RTL1: variants seen among roughly 807,000 people sequenced by gnomAD.
RTL1 encodes retrotransposon Gag like 1, also known as retrotransposon-like protein 1.
For missense variants in RTL1, 1,681 were observed against 1,767.5 expected, an observed-to-expected ratio of 0.95 and a Z score of 0.88; for synonymous variants, 727 against 748.4, an observed-to-expected ratio of 0.97 and a Z score of 0.47.
rs1261234874 is a variant in RTL1, at chr14:100,884,006, G to T, written c.783C>A (p.Ser261Arg). ...AGGCTGGGAAGTCTCCGATCAGGGG[G>T]CTGTTTTCCTGCAGTAGAGCTTTGG... ...EWAKALLQEN[S>R]PLIGDFPAFL... Residue 261 changes from serine (S) to arginine (R), a missense_variant, in exon 4 of 4, where the codon AGC (serine) becomes AGA (arginine). Physicochemically the swap from Ser to Arg is moderately radical, Grantham distance 110. Coordinates refer to ENST00000649591, the MANE Select transcript of RTL1 (RefSeq NM_001134888.3). 1 of 1,551,712 alleles carries T rather than the reference G, an allele frequency of 6.4e-7. No individual in the cohort carries two copies. Among genetic ancestry groups the T allele is most frequent in the Admixed American group, 2.0e-5 (1 of 51,014 alleles).
At chr14:100,895,308 G>T (rs1289564836) in intron 2 of RTL1, among the ~76,000 whole-genome samples, 1 of 152,148 alleles carries the variant, frequency 6.6e-6, no homozygotes, top group African/African-American at 2.4e-5. Context: ...GGATGACTGT[G>T]GGGGTCAGAC....
chr14:100,884,372 A>T lies in RTL1; in HGVS notation c.417T>A (p.Thr139=), dbSNP rs765669280. ...CCTCCCTTCCCGATTCCTTCAGGTC[A>T]GTGTGAGCCTCTTGTTCTTCTCGGG... ...SGAREEQEAH[T]DLKESGREET... Residue 139 remains threonine (T), a synonymous_variant, in exon 4 of 4, where the codon ACT becomes ACA. Transcript: ENST00000649591. 2.0e-5 allele frequency: 31 copies of T among 1,572,272 alleles called. No homozygotes were observed. Among genetic ancestry groups the T allele is most frequent in the Non-Finnish European group, 2.6e-5 (30 of 1,157,168 alleles).
At chr14:100,898,951 T>A (rs1300428891) in intron 2 of RTL1, 1 of 152,300 alleles carries the variant, frequency 6.6e-6, no homozygotes, top group East Asian at 1.9e-4. Flanking sequence ...CTTTGTCCCT[T>A]TCTAGGAGCC....
chr14:100,884,213 G>C lies in RTL1; in HGVS notation c.576C>G (p.Ile192Met). Residue 192 changes from isoleucine (I) to methionine (M), a missense_variant, in exon 4 of 4, where the codon ATC (isoleucine) becomes ATG (methionine). Physicochemically the swap from Ile to Met is conservative, Grantham distance 10 (BLOSUM62 1). Coordinates refer to ENST00000649591, the MANE Select transcript of RTL1 (RefSeq NM_001134888.3). ...EQQRVAEEILIKGINAGQLPA... is the reference protein window; with the variant it reads ...EQQRVAEEILMKGINAGQLPA... ...GCAGTTGGCCTGCATTGATCCCTTT[G>C]ATCAAGATCTCTTCTGCTACTCTCT... 1 of 1,551,766 alleles carries C rather than the reference G, an allele frequency of 6.4e-7. No individual in the cohort carries two copies. Among genetic ancestry groups the C allele is most frequent in the Non-Finnish European group, 8.7e-7 (1 of 1,146,988 alleles).
At position 100,881,722 on chromosome 14, in the gene RTL1, G is replaced by A; in HGVS notation, c.3067C>T (p.Pro1023Ser). ...QTLLLASRGFPRDPSTESGEE... is the reference protein window; with the variant it reads ...QTLLLASRGFSRDPSTESGEE... Reference sequence around the variant, plus strand: ...CCGGATTCCGTCGATGGATCCCTGGGGAATCCCCTTGAGGCCAGCAGCAGG... The same window carrying A: ...CCGGATTCCGTCGATGGATCCCTGGAGAATCCCCTTGAGGCCAGCAGCAGG... The change falls in exon 4 of 4, where the codon CCC (proline) becomes TCC (serine). Residue 1023 changes from proline (P) to serine (S), a missense_variant. By Grantham distance (74) the Pro-to-Ser change is moderately conservative. Transcript: ENST00000649591. The surrounding 1 kb of genome is among the most constrained non-coding windows in gnomAD (Gnocchi z 6.6). The A allele has an allele frequency of 6.3e-7, 1 of 1,598,420 alleles. No individual in the cohort carries two copies. The highest frequency in any genetic ancestry group is 8.5e-7 in the Non-Finnish European group (1 of 1,172,004).
rs367548876 is a variant in RTL1 at position 100,882,025 on chromosome 14, T to G, written c.2764A>C (p.Met922Leu). The change falls in exon 4 of 4, where the codon ATG becomes CTG. Residue 922 changes from methionine (M) to leucine (L), a missense_variant. Met to Leu is a conservative substitution (Grantham distance 15). Transcript: ENST00000649591. ...PIEVEYSQAE[M>L]KILPIRAAFM... ...GCAGCCCGTATTGGAAGAATCTTCA[T>G]CTCCGCTTGAGAGTACTCAACCTCG... The G allele has an allele frequency of 1.2e-6, 2 of 1,613,466 alleles. No individual in the cohort carries two copies. The highest frequency in any genetic ancestry group is 2.7e-5 in the African/African-American group (2 of 74,924).
chr14:100,891,868 T>C (rs1490808566), intron 3 of RTL1, among the ~76,000 whole-genome samples: 1 of 151,944 alleles, frequency 6.6e-6, no homozygotes, highest in Non-Finnish European at 1.5e-5. Context: ...AGGGTTTCGG[T>C]GGTGGTCTTC....
Position 100,883,648 on chromosome 14 carries a change from A to C in RTL1, c.1141T>G (p.Trp381Gly), listed in dbSNP as rs747497626. The C allele has an allele frequency of 1.6e-5, 25 of 1,550,844 alleles. 1 individual carries two copies. In the South Asian group the frequency reaches 2.6e-4, roughly 16 times the overall value. The change falls in exon 4 of 4, where the codon TGG becomes GGG. Residue 381 changes from tryptophan (W) to glycine (G), a missense_variant. Trp to Gly is a radical substitution (Grantham distance 184, BLOSUM62 -2). Transcript: ENST00000649591. This position sits in a 1 kb window ranked among gnomAD's most constrained non-coding sequence, Gnocchi z 5.9. ...PPEARPRNLTWIDSPAPERWM... is the reference protein window; with the variant it reads ...PPEARPRNLTGIDSPAPERWM... ...CTCTCTGGAGCAGGTGAGTCGATCC[A>C]GGTCAGGTTCCGGGGGCGGGCCTCG... is the stretch of plus-strand genomic sequence containing the variant.
chr14:100,884,086 G>A lies in RTL1; in HGVS notation c.703C>T (p.Arg235Cys), dbSNP rs1216914274. The change falls in exon 4 of 4, where the codon CGT becomes TGT. Residue 235 changes from arginine to cysteine, a missense_variant. Transcript: ENST00000649591. ...TTGATGACATAGCCAACTCTCAGACGGTCGTTATAGAACATTCTTGGGTAG... is the reference window on the plus strand; with the variant it reads ...TTGATGACATAGCCAACTCTCAGACAGTCGTTATAGAACATTCTTGGGTAG... ...QSYPRMFYND[R>C]LRVGYVINHL... 8.4e-6 allele frequency: 13 copies of A among 1,551,570 alleles called. No individual in the cohort carries two copies. The highest frequency in any genetic ancestry group is 2.4e-5 in the East Asian group (1 of 40,928).
At chr14:100,898,768 CT>C (rs2038902807) in intron 2 of RTL1, among the ~76,000 whole-genome samples, 1 of 152,250 alleles carries the variant, frequency 6.6e-6, no homozygotes, top group African/African-American at 2.4e-5. Flanking sequence ...TGAAATATCC[CT>C]GTTGGGGAGC....
At chr14:100,888,755 A>G (rs1294251140) in intron 3 of RTL1, among the ~76,000 whole-genome samples, 3 of 152,232 alleles carry the variant, frequency 2.0e-5, no homozygotes, top group African/African-American at 7.2e-5. Flanking sequence ...GCAACAGTCT[A>G]ATCATGTTGG....
Position 100,883,224 on chromosome 14 carries a change from C to A in RTL1, c.1565G>T (p.Arg522Leu). Residue 522 changes from arginine to leucine, a missense_variant, in exon 4 of 4, where the codon CGC (arginine) becomes CTC (leucine). By Grantham distance (102) the Arg-to-Leu change is moderately radical (BLOSUM62 -2). Transcript: ENST00000649591. This position sits in a 1 kb window ranked among gnomAD's most constrained non-coding sequence, Gnocchi z 5.9. ...HAPEVDWIKG[R>L]CTFHSPYCLK... ...GCAGTAGGGAGAGTGGAAGGTGCAG[C>A]GGCCTTTGATCCAGTCGACTTCGGG... The A allele has an allele frequency of 1.3e-6, 2 of 1,553,376 alleles. No individual in the cohort carries two copies. The highest frequency in any genetic ancestry group is 2.4e-5 in the South Asian group (2 of 84,542).
intron 2 of RTL1, among the ~76,000 whole-genome samples, chr14:100,902,150 G>T (rs184455231): frequency 1.5e-3 from 226 of 152,306 alleles, no homozygotes; most frequent in African/African-American, 5.2e-3. Flanking sequence ...CCTGCTCAGG[G>T]CTCGCACGCA....
At chr14:100,891,328 G>T (rs2038774883) in intron 3 of RTL1, among the ~76,000 whole-genome samples, 1 of 152,220 alleles carries the variant, frequency 6.6e-6, no homozygotes, top group Non-Finnish European at 1.5e-5. Flanking sequence ...CGAGGTCCTT[G>T]AATGCCAGGC....
intron 3 of RTL1, among the ~76,000 whole-genome samples, chr14:100,885,349 TGGTTGTGGAGC>T (rs2038683360): frequency 6.6e-6 from 1 of 152,182 alleles, no homozygotes; most frequent in Admixed American, 6.5e-5. Context: ...CCAGCCACCT[TGGTTGTGGAGC>T]GGGAATCTCT....
rs2038812806 is a variant in RTL1, at chr14:100,893,664, A to G, written c.-148-159T>C. ...GTTGTGAGCTTTTTTCCACGTGGCT[A>G]CGTTGGGGACCTCCGTGATGCTTCC... On this transcript the variant is annotated intron_variant, in intron 2 of 3. Coordinates refer to ENST00000649591, the MANE Select transcript of RTL1 (RefSeq NM_001134888.3). The surrounding 1 kb of genome is among the most constrained non-coding windows in gnomAD (Gnocchi z 4.2). 6.6e-6 allele frequency among the ~76,000 whole-genome samples: 1 copy of G among 152,182 alleles called. No individual in the cohort carries two copies. Among genetic ancestry groups the G allele is most frequent in the Non-Finnish European group, 1.5e-5 (1 of 68,028 alleles).
chr14:100,895,731 G>A (rs940320644), intron 2 of RTL1, among the ~76,000 whole-genome samples: 1 of 152,160 alleles, frequency 6.6e-6, no homozygotes, highest in Non-Finnish European at 1.5e-5. Context: ...CTGCAGGTTG[G>A]ATGCAGGTAA....
intron 3 of RTL1, among the ~76,000 whole-genome samples, chr14:100,890,288 T>C (rs2140045205): frequency 6.6e-6 from 1 of 151,410 alleles, no homozygotes; most frequent in East Asian, 2.0e-4. Context: ...CCAACGTGTG[T>C]CTATGAAGGG....
chr14:100,882,641 A>C lies in RTL1; in HGVS notation c.2148T>G (p.Ile716Met). 2 of 1,551,898 alleles carry C rather than the reference A, an allele frequency of 1.3e-6. No individual in the cohort carries two copies. The highest frequency in any genetic ancestry group is 1.7e-6 in the Non-Finnish European group (2 of 1,147,056). ...CTAGCATGTCCTTTAGGATGAAGTG[A>C]ATCACGTTCTGAGGTATGATAGGGT... ...SPDPIIPQNVIHFILKDMLGF... is the reference protein window; with the variant it reads ...SPDPIIPQNVMHFILKDMLGF... The change falls in exon 4 of 4, where the codon ATT (isoleucine) becomes ATG (methionine). Residue 716 changes from isoleucine to methionine, a missense_variant. Physicochemically the swap from Ile to Met is conservative, Grantham distance 10 (BLOSUM62 1). Coordinates refer to ENST00000649591, the MANE Select transcript of RTL1 (RefSeq NM_001134888.3).
Sources: gnomAD v4.1 joint callset for allele counts (sites outside exome capture counted in the v4.1 genomes callset) on GRCh38, gnomAD v4.1.1 for gene constraint, Gnocchi (gnomAD v3.1) non-coding constraint, MANE v1.5 for transcripts, NCBI Gene and HGNC (gene_info 2026-07-23, HGNC 2026-07-21) for gene names.